DNAH5: variants seen among roughly 807,000 people sequenced by gnomAD.
DNAH5 encodes dynein axonemal heavy chain 5, also known as axonemal beta dynein heavy chain 5.
Under a neutral mutation model 518.2 loss-of-function variants are expected in DNAH5, and 372 were observed. That is an observed-to-expected ratio of 0.72 (90% CI 0.66 to 0.78). The LOEUF is 0.78. DNAH5 is among the 30% of genes least tolerant of loss of function. DNAH5 has a pLI of 0.00. For missense variants in DNAH5, 5,523 were observed against 5,687.0 expected, an observed-to-expected ratio of 0.97 and a Z score of 0.93; for synonymous variants, 2,039 against 2,025.9, an observed-to-expected ratio of 1.01 and a Z score of -0.17.
rs530632936 is a variant in DNAH5 at position 13,700,962 on chromosome 5, C to T, written c.13492-91G>A. On this transcript the variant is annotated intron_variant, in intron 77 of 78. Transcript: ENST00000265104. ...ATAATGAAAGCTTGGCTCCGAATCA[C>T]TCTAACTCGAAGGACGTACAATAGT... is the stretch of plus-strand genomic sequence containing the variant. 12 of 1,341,820 alleles carry T rather than the reference C, an allele frequency of 8.9e-6. No individual in the cohort carries two copies. In the East Asian group the frequency reaches 2.8e-4, roughly 31 times the overall value. The allele number at this position is 1,341,820 out of a possible 1,614,324, so 83.1% of individuals were successfully genotyped here. A position where few individuals can be genotyped will look rare whatever the true frequency, so the allele number is the denominator to read the frequency against.
At chr5:13,957,217 A>C (rs2152042215) in intron 1 of DNAH5, among the ~76,000 whole-genome samples, 1 of 152,312 alleles carries the variant, frequency 6.6e-6, no homozygotes, top group Non-Finnish European at 1.5e-5. Flanking sequence ...ACACTACAGA[A>C]GGAGAGACTC....
chr5:13,714,593 C>G lies in DNAH5; in HGVS notation c.12937G>C (p.Val4313Leu), dbSNP rs769666008. 11 of 1,613,998 alleles carry G rather than the reference C, an allele frequency of 6.8e-6. No homozygotes were observed. The highest frequency in any genetic ancestry group is 4.5e-5 in the East Asian group (2 of 44,882). ...QSLPAYDSPE[V>L]FGLHPNADIT... ...TCAGCATTGGGGTGCAGCCCAAACACCTCAGGGCTGTCATAGGCAGGCAAA... is the reference window on the plus strand; with the variant it reads ...TCAGCATTGGGGTGCAGCCCAAACAGCTCAGGGCTGTCATAGGCAGGCAAA... Residue 4313 changes from valine (V) to leucine (L), a missense_variant, in exon 75 of 79, where the codon GTG becomes CTG. Transcript: ENST00000265104.
chr5:13,746,812 T>C (rs1470045400), intron 65 of DNAH5, among the ~76,000 whole-genome samples: 1 of 152,068 alleles, frequency 6.6e-6, no homozygotes, highest in Non-Finnish European at 1.5e-5. Context: ...AAAATATCAA[T>C]AATTGTCCTT....
intron 17 of DNAH5, among the ~76,000 whole-genome samples, chr5:13,890,414 A>G (rs1046335224): frequency 6.6e-6 from 1 of 151,286 alleles, no homozygotes; most frequent in South Asian, 2.1e-4. Flanking sequence ...CTCAAAAAAA[A>G]AAAAAAAGGT....
At chr5:13,859,193 C>T (rs896754372) in intron 30 of DNAH5, among the ~76,000 whole-genome samples, 1 of 152,036 alleles carries the variant, frequency 6.6e-6, no homozygotes, top group African/African-American at 2.4e-5. Context: ...ATTATGCGAC[C>T]ACTTATTTTT....
At chr5:13,802,974 GATATA>G (rs1035975372) in intron 47 of DNAH5, among the ~76,000 whole-genome samples, 8 of 142,424 alleles carry the variant, frequency 5.6e-5, no homozygotes, top group Non-Finnish European at 7.8e-5. Context: ...ATGCATTAAT[GATATA>G]ATATATATGA....
intron 47 of DNAH5, among the ~76,000 whole-genome samples, chr5:13,799,151 T>A (rs1758326927): frequency 6.6e-6 from 1 of 151,946 alleles, no homozygotes; most frequent in Non-Finnish European, 1.5e-5. Context: ...TTACAACTCA[T>A]TCAATTACAA....
intron 38 of DNAH5, among the ~76,000 whole-genome samples, chr5:13,826,437 G>A (rs1229984528): frequency 2.0e-5 from 3 of 152,192 alleles, no homozygotes; most frequent in African/African-American, 7.2e-5. Context: ...TGTGTCGTGG[G>A]AGGGACCAGG....
At position 13,691,935 on chromosome 5, in the gene DNAH5, T is replaced by C. The variant is rs1483993113; in HGVS notation, c.*49A>G. The stretch of plus-strand genomic sequence containing the variant: ...CATACAGAAATAAAGGTTACAATAA[T>C]TTAGATCTTGCATTTTCCAAAGCAT... On this transcript the variant is annotated 3_prime_UTR_variant, in exon 79 of 79. Transcript: ENST00000265104. The C allele has an allele frequency of 4.3e-6, 7 of 1,611,348 alleles. No individual in the cohort carries two copies. The highest frequency in any genetic ancestry group is 5.1e-6 in the Non-Finnish European group (6 of 1,177,724).
intron 24 of DNAH5, among the ~76,000 whole-genome samples, chr5:13,869,516 A>G (rs1287950124): frequency 2.0e-5 from 3 of 152,162 alleles, no homozygotes; most frequent in Non-Finnish European, 4.4e-5. Context: ...GGCAAATAAG[A>G]TTTAAAGACA....
At chr5:13,713,138 C>A (rs1743744751) in intron 75 of DNAH5, among the ~76,000 whole-genome samples, 1 of 142,052 alleles carries the variant, frequency 7.0e-6, no homozygotes, top group African/African-American at 2.7e-5. Flanking sequence ...CACACACTGA[C>A]ATATATATAC....
intron 1 of DNAH5, among the ~76,000 whole-genome samples, chr5:14,011,290 T>TG (rs1449342061): frequency 6.6e-6 from 1 of 152,086 alleles, no homozygotes; most frequent in African/African-American, 2.4e-5. Flanking sequence ...TATGGGACAA[T>TG]GGGTGGATTG....
chr5:13,919,414 A>G (rs1777019199), intron 6 of DNAH5, 62 bp from the exon 7 acceptor site: 2 of 1,582,136 alleles, frequency 1.3e-6, no homozygotes, highest in South Asian at 2.2e-5. Flanking sequence ...AAAGTTATAA[A>G]CAAGCAAAAA....
chr5:14,007,347 G>GT (rs925849380), intron 1 of DNAH5, among the ~76,000 whole-genome samples: 20 of 151,272 alleles, frequency 1.3e-4, no homozygotes, highest in African/African-American at 3.4e-4. Flanking sequence ...GTATGACTTT[G>GT]TTTTTTTTTC....
chr5:13,798,004 T>C (rs1244873948), intron 47 of DNAH5, among the ~76,000 whole-genome samples: 10 of 133,980 alleles, frequency 7.5e-5, no homozygotes, highest in African/African-American at 2.9e-5. Flanking sequence ...AATTGAACAA[T>C]GAGATCACTT....
intron 43 of DNAH5, 96 bp from the exon 44 acceptor site, chr5:13,811,919 T>C: frequency 9.9e-7 from 1 of 1,007,518 alleles, no homozygotes; most frequent in Non-Finnish European, 1.5e-6. Flanking sequence ...CTGTTAATAA[T>C]GATAATATCT....
rs1438865585 is a variant in DNAH5 at position 13,716,644 on chromosome 5, T to C, written c.12752A>G (p.Tyr4251Cys). 2.5e-6 allele frequency: 4 copies of C among 1,613,806 alleles called. No homozygotes were observed. The highest frequency in any genetic ancestry group is 2.2e-5 in the East Asian group (1 of 44,866). Reference protein sequence around the residue: ...TIRYMIGEIQYGGRVTDDYDK... With the variant: ...TIRYMIGEIQCGGRVTDDYDK... Reference sequence around the variant, plus strand: ...ATAGTCGTCAGTGACTCTGCCTCCATATTGAATCTCTCCTATCATGTAGCG... The same window carrying C: ...ATAGTCGTCAGTGACTCTGCCTCCACATTGAATCTCTCCTATCATGTAGCG... The change falls in exon 74 of 79, where the codon TAT (tyrosine) becomes TGT (cysteine). Residue 4251 changes from tyrosine (Y) to cysteine (C), a missense_variant. Physicochemically the swap from Tyr to Cys is radical, Grantham distance 194. Around this residue, in one of 3 missense-constraint regions of DNAH5, gnomAD observed 5,121 missense variants for 5,223.3 expected, o/e 0.98. Coordinates refer to ENST00000265104, the MANE Select transcript of DNAH5 (RefSeq NM_001369.3).
intron 52 of DNAH5, among the ~76,000 whole-genome samples, chr5:13,784,034 C>T (rs1274344384): frequency 6.6e-6 from 1 of 152,194 alleles, no homozygotes; most frequent in Non-Finnish European, 1.5e-5. Flanking sequence ...ACACCTCCAA[C>T]ATCACACCCA....
chr5:13,825,819 T>C (rs940480813), intron 38 of DNAH5, among the ~76,000 whole-genome samples: 1 of 152,196 alleles, frequency 6.6e-6, no homozygotes, highest in Admixed American at 6.5e-5. Flanking sequence ...CATTATTGAA[T>C]TGTACACTAA....
Sources: gnomAD v4.1 joint callset for allele counts (sites outside exome capture counted in the v4.1 genomes callset) on GRCh38, gnomAD v4.1.1 for gene constraint, gnomAD v4.1.1 regional missense constraint, MANE v1.5 for transcripts, NCBI Gene and HGNC (gene_info 2026-07-23, HGNC 2026-07-21) for gene names.